PITPNM2: variants seen among roughly 807,000 people sequenced by gnomAD.
PITPNM2 encodes phosphatidylinositol transfer protein membrane associated 2.
In PITPNM2, 35 loss-of-function variants were observed where a neutral mutation model predicts 132.2. That is an observed-to-expected ratio of 0.26 (90% CI 0.20 to 0.35). The LOEUF (loss-of-function observed/expected upper bound fraction) is 0.35. Among genes scored for constraint, PITPNM2 ranks in the 10% least tolerant of loss-of-function variants. The pLI, the probability that PITPNM2 is intolerant of heterozygous loss-of-function variation, is 1.00. For missense variants in PITPNM2, 1,332 were observed against 1,912.0 expected (o/e 0.70, Z 5.66); for synonymous variants, 738 against 799.2 (o/e 0.92, Z 1.29).
At chr12:123,002,610 G>C (rs187811615) in intron 8 of PITPNM2, among the ~76,000 whole-genome samples, 1 of 152,070 alleles carries the variant, frequency 6.6e-6, no homozygotes. Flanking sequence ...TAGAGACGAG[G>C]TTTCACTATG....
intron 1 of PITPNM2, among the ~76,000 whole-genome samples, chr12:123,124,418 C>T (rs988396122): frequency 7.9e-5 from 12 of 151,088 alleles, no homozygotes; most frequent in East Asian, 1.9e-4. Context: ...GGCAACAGAG[C>T]GAGACTCCAT....
chr12:123,094,245 C>G (rs530405912), intron 2 of PITPNM2, among the ~76,000 whole-genome samples: 1 of 152,320 alleles, frequency 6.6e-6, no homozygotes, highest in East Asian at 1.9e-4. Flanking sequence ...AAGGGGCTGA[C>G]CAAGGTGACA....
At chr12:123,020,785 G>A (rs2136320225) in intron 3 of PITPNM2, among the ~76,000 whole-genome samples, 1 of 152,228 alleles carries the variant, frequency 6.6e-6, no homozygotes, top group East Asian at 1.9e-4. Flanking sequence ...CACTTTGGGA[G>A]GCTGAGGCAG....
chr12:123,007,497 G>A (rs964568998), intron 6 of PITPNM2: 11 of 432,958 alleles, frequency 2.5e-5, no homozygotes, highest in African/African-American at 2.2e-4. Context: ...TTTGCAAGCA[G>A]TTGGGCCACG....
In PITPNM2 at chr12:123,137,979, A is replaced by G. The variant is rs149067783; in HGVS notation, c.-200+12774T>C. On this transcript the variant is annotated intron_variant, in intron 1 of 25. Transcript: ENST00000320201. ...GGTCACTTACCTTGGAAATGGGACA[A>G]CTGATGTCTCTGGGTCCCTAAACCC... Among the ~76,000 whole-genome samples, 93 of 152,276 alleles carry G rather than the reference A, an allele frequency of 6.1e-4. 1 individual carries two copies. In the East Asian group the frequency reaches 0.017, roughly 27 times the overall value.
intron 2 of PITPNM2, among the ~76,000 whole-genome samples, chr12:123,098,611 A>G (rs552442748): frequency 6.6e-6 from 1 of 152,246 alleles, no homozygotes; most frequent in African/African-American, 2.4e-5. Flanking sequence ...CTCCAGAGGC[A>G]TAGGCAGGAG....
intron 1 of PITPNM2, among the ~76,000 whole-genome samples, chr12:123,112,445 G>A (rs2042857465): frequency 2.0e-5 from 3 of 152,064 alleles, no homozygotes; most frequent in Admixed American, 1.3e-4. Flanking sequence ...AGGGGAGCAG[G>A]GCATCCAAGA....
intron 1 of PITPNM2, among the ~76,000 whole-genome samples, chr12:123,135,702 T>C (rs1388813197): frequency 6.6e-6 from 1 of 152,168 alleles, no homozygotes; most frequent in Non-Finnish European, 1.5e-5. Context: ...TTTCCCTTTT[T>C]GTTTGGTTTT....
At chr12:123,041,953 A>G (rs2040495584) in intron 2 of PITPNM2, among the ~76,000 whole-genome samples, 1 of 151,996 alleles carries the variant, frequency 6.6e-6, no homozygotes, top group Non-Finnish European at 1.5e-5. Flanking sequence ...CCCCAGCCCC[A>G]TGTTCACTGA....
At chr12:123,070,405 A>T (rs998636726) in intron 2 of PITPNM2, among the ~76,000 whole-genome samples, 1 of 152,136 alleles carries the variant, frequency 6.6e-6, no homozygotes, top group Non-Finnish European at 1.5e-5. Context: ...GGGCAATGGC[A>T]CCGCTGTCAC....
chr12:123,128,316 C>A (rs2043190192), intron 1 of PITPNM2, among the ~76,000 whole-genome samples: 1 of 128,898 alleles, frequency 7.8e-6, no homozygotes, highest in Admixed American at 9.1e-5. Context: ...CGGGCTCACA[C>A]CTGTAGTCCC....
In PITPNM2 at chr12:122,995,623, G is replaced by A. The variant is rs1295891064; in HGVS notation, c.1820C>T (p.Ala607Val). The A allele has an allele frequency of 6.2e-7, 1 of 1,603,556 alleles. No homozygotes were observed. Among genetic ancestry groups the A allele is most frequent in the Non-Finnish European group, 8.5e-7 (1 of 1,179,002 alleles). ...DLLSPGILMNAAHCCGGGGGG... is the reference protein window; with the variant it reads ...DLLSPGILMNVAHCCGGGGGG... ...ACCGCCACCACCGCAGCAGTGTGCT[G>A]CATTCATCAGGATGCCCGGGGACAG... The change falls in exon 14 of 26, where the codon GCA becomes GTA. Residue 607 changes from alanine to valine, a missense_variant. Transcript: ENST00000320201.
At chr12:123,053,560 ATCTT>A (rs2040928532) in intron 2 of PITPNM2, among the ~76,000 whole-genome samples, 1 of 144,896 alleles carries the variant, frequency 6.9e-6, no homozygotes, top group African/African-American at 2.5e-5. Flanking sequence ...CAATGGTGAC[ATCTT>A]TTTTTTTTTT....
At chr12:123,107,278 G>A (rs2042740029) in intron 2 of PITPNM2, among the ~76,000 whole-genome samples, 1 of 152,200 alleles carries the variant, frequency 6.6e-6, no homozygotes, top group Admixed American at 6.5e-5. Context: ...TCTTGCCCAA[G>A]GGACACTGAA....
intron 4 of PITPNM2, among the ~76,000 whole-genome samples, chr12:123,013,462 C>T (rs1210044482): frequency 6.6e-6 from 1 of 152,238 alleles, no homozygotes. Flanking sequence ...GTCATCTGTT[C>T]TACCCTCAGT....
intron 2 of PITPNM2, among the ~76,000 whole-genome samples, chr12:123,069,603 G>A (rs1284095675): frequency 6.6e-6 from 1 of 152,040 alleles, no homozygotes. Context: ...CAGGCCCCCT[G>A]GAAGCCTTCC....
At chr12:122,990,488 CCT>C in intron 17 of PITPNM2, 55 bp downstream of exon 17, 1 of 1,596,306 alleles carries the variant, frequency 6.3e-7, no homozygotes, top group Non-Finnish European at 8.5e-7. Context: ...GCAGCTGTCC[CCT>C]GTGGGCACAA....
chr12:123,126,109 T>C (rs1223473221), intron 1 of PITPNM2, among the ~76,000 whole-genome samples: 1 of 152,014 alleles, frequency 6.6e-6, no homozygotes, highest in Admixed American at 6.5e-5. Context: ...GACCTTGTGA[T>C]CCGCCTGCCT....
At position 123,095,026 on chromosome 12, in the gene PITPNM2, TACA is replaced by T. The variant is rs1373591545; in HGVS notation, c.-96+15356_-96+15358del. Among the ~76,000 whole-genome samples the T allele has an allele frequency of 6.6e-6, 1 of 152,210 alleles. No homozygotes were observed. Among genetic ancestry groups the T allele is most frequent in the African/African-American group, 2.4e-5 (1 of 41,462 alleles). ...AGCAAGCATGTTTATCCTTCCCTCA[TACA>T]ACACTTTTTCTTTGGTCACTTCTTT... On this transcript the variant is annotated intron_variant, in intron 2 of 25. Coordinates refer to ENST00000320201, the MANE Select transcript of PITPNM2 (RefSeq NM_020845.3). The surrounding 1 kb of genome is among the most constrained non-coding windows in gnomAD (Gnocchi z 5.0).
Sources: allele counts gnomAD v4.1 joint callset (sites outside exome capture counted in the v4.1 genomes callset), GRCh38; gene constraint gnomAD v4.1.1; non-coding constraint Gnocchi (gnomAD v3.1); transcripts MANE v1.5; gene names NCBI Gene and HGNC (gene_info 2026-07-23, HGNC 2026-07-21).